The following KLF12 variants were observed in gnomAD, a reference collection of about 807,000 sequenced individuals.
KLF12 encodes the protein KLF transcription factor 12.
A neutral mutation model predicts 37.8 loss-of-function variants in KLF12; 9 were observed. That is an observed-to-expected ratio of 0.24 (90% CI 0.14 to 0.42). The LOEUF is 0.42. KLF12 is among the 10% of genes least tolerant of loss of function. The pLI is 1.00. For synonymous variants in KLF12, 208 were observed against 202.1 expected, an observed-to-expected ratio of 1.03 and a Z score of -0.25; for missense variants, 411 against 516.0, an observed-to-expected ratio of 0.80 and a Z score of 1.97.
intron 2 of KLF12, among the ~76,000 whole-genome samples, chr13:73,946,366 C>G (rs1399668052): frequency 6.6e-6 from 1 of 152,196 alleles, no homozygotes; most frequent in Non-Finnish European, 1.5e-5. Flanking sequence ...ATTTTCCCCA[C>G]TGGCTGTGAT....
chr13:74,260,024 A>G, the KLF12 span: 2 of 152,210 alleles, frequency 1.3e-5, no homozygotes, highest in African/African-American at 4.8e-5. Flanking sequence ...TAGTGAATTT[A>G]TAAATATATT....
intron 7 of KLF12, among the ~76,000 whole-genome samples, chr13:73,703,001 C>A (rs971694373): frequency 6.6e-6 from 1 of 152,082 alleles, no homozygotes; most frequent in African/African-American, 2.4e-5. Context: ...GCATACAATA[C>A]CACAGGTTTT....
intron 3 of KLF12, among the ~76,000 whole-genome samples, chr13:73,933,574 A>G (rs989936755): frequency 1.3e-5 from 2 of 152,174 alleles, no homozygotes; most frequent in Admixed American, 1.3e-4. Context: ...CTTTCATACG[A>G]AACTTCTTCC....
intron 5 of KLF12, among the ~76,000 whole-genome samples, chr13:73,773,004 GT>G (rs1361570467): frequency 2.0e-5 from 3 of 152,186 alleles, no homozygotes; most frequent in Non-Finnish European, 2.9e-5. Flanking sequence ...GACATCCAGG[GT>G]TCTGATGTGG....
chr13:74,143,596 G>T, the KLF12 span, among the ~76,000 whole-genome samples: 7 of 152,154 alleles, frequency 4.6e-5, no homozygotes, highest in African/African-American at 1.4e-4. Flanking sequence ...CTAATTTATT[G>T]CAAGTTGCAA....
At chr13:73,862,132 C>G (rs1306769870) in intron 3 of KLF12, among the ~76,000 whole-genome samples, 1 of 150,100 alleles carries the variant, frequency 6.7e-6, no homozygotes, top group Non-Finnish European at 1.5e-5. Flanking sequence ...CAGTTGTGAT[C>G]TCTAAATTCA....
At position 73,846,564 on chromosome 13, in the gene KLF12, A is replaced by C. The variant is rs1885035599; in HGVS notation, c.124-191T>G. 2.6e-5 allele frequency among the ~76,000 whole-genome samples: 4 copies of C among 152,214 alleles called. No individual in the cohort carries two copies. In the South Asian group the frequency reaches 8.3e-4, roughly 32 times the overall value. The stretch of plus-strand genomic sequence containing the variant: ...AACTGAGGGCATAAGAGTACAAAAC[A>C]GAATAAGGCCTCTACCATAAAGACA... On this transcript the variant is annotated intron_variant, in intron 3 of 7. Coordinates refer to ENST00000377669, the MANE Select transcript of KLF12 (RefSeq NM_007249.5).
At chr13:74,239,957 G>T in the KLF12 span, among the ~76,000 whole-genome samples, 16 of 150,782 alleles carry the variant, frequency 1.1e-4, no homozygotes, top group South Asian at 4.2e-4. Flanking sequence ...AAAGTTAATA[G>T]TGTTATGTGT....
chr13:74,064,891 C>T lies in KLF12; in HGVS notation c.-32+68848G>A, dbSNP rs75194199. ...CAGAATCAATGTTAGTTTTATTCAT[C>T]CTGCATTCTTCCCATCATACTACTC... On this transcript the variant is annotated intron_variant, in intron 1 of 7. Transcript: ENST00000377669. Among the ~76,000 whole-genome samples the T allele has an allele frequency of 5.3e-3, 807 of 152,248 alleles. 10 individuals carry two copies. The highest frequency in any genetic ancestry group is 0.018 in the African/African-American group (755 of 41,534).
intron 3 of KLF12, among the ~76,000 whole-genome samples, chr13:73,885,595 T>C (rs1041687771): frequency 6.6e-6 from 1 of 152,182 alleles, no homozygotes; most frequent in African/African-American, 2.4e-5. Flanking sequence ...CAAGTGGTCA[T>C]CTGAATCAAG....
At chr13:73,861,287 C>T (rs1487969327) in intron 3 of KLF12, among the ~76,000 whole-genome samples, 1 of 152,190 alleles carries the variant, frequency 6.6e-6, no homozygotes, top group Non-Finnish European at 1.5e-5. Flanking sequence ...CCCCTGCTAA[C>T]TCTGATCCTT....
the KLF12 span, among the ~76,000 whole-genome samples, chr13:74,176,550 G>A: frequency 6.6e-6 from 1 of 152,134 alleles, no homozygotes; most frequent in African/African-American, 2.4e-5. Context: ...CTTTGGCACT[G>A]AAACCTTCAG....
At chr13:73,950,595 CCA>C (rs1259099104) in intron 2 of KLF12, among the ~76,000 whole-genome samples, 1 of 152,106 alleles carries the variant, frequency 6.6e-6, no homozygotes, top group Non-Finnish European at 1.5e-5. Context: ...TCCATCTGCA[CCA>C]CAGTCATGAA....
chr13:73,863,385 C>G (rs945050325), intron 3 of KLF12, among the ~76,000 whole-genome samples: 1 of 152,070 alleles, frequency 6.6e-6, no homozygotes, highest in Non-Finnish European at 1.5e-5. Context: ...GCTCTTGTTC[C>G]GTGACCATAA....
At chr13:73,984,224 T>C (rs904504711) in intron 2 of KLF12, among the ~76,000 whole-genome samples, 1 of 152,204 alleles carries the variant, frequency 6.6e-6, no homozygotes, top group African/African-American at 2.4e-5. Context: ...CCCTGCAGCA[T>C]GCCATCATTT....
At chr13:73,833,043 C>G (rs1018356821) in intron 4 of KLF12, among the ~76,000 whole-genome samples, 4 of 152,154 alleles carry the variant, frequency 2.6e-5, no homozygotes, top group African/African-American at 9.7e-5. Flanking sequence ...TTTATGGCAT[C>G]ATGATGCTGA....
intron 7 of KLF12, among the ~76,000 whole-genome samples, chr13:73,710,095 T>C (rs1237188550): frequency 6.6e-6 from 1 of 152,166 alleles, no homozygotes; most frequent in African/African-American, 2.4e-5. Flanking sequence ...TTCTGTCCTG[T>C]ATTTCCAGCC....
chr13:74,275,391 T>C, the KLF12 span, among the ~76,000 whole-genome samples: 1 of 152,228 alleles, frequency 6.6e-6, no homozygotes, highest in Admixed American at 6.6e-5. Flanking sequence ...AGAACAATTC[T>C]ATATTCCGTT....
At chr13:73,908,401 C>CAAG (rs1888407784) in intron 3 of KLF12, among the ~76,000 whole-genome samples, 1 of 129,336 alleles carries the variant, frequency 7.7e-6, no homozygotes. Flanking sequence ...GACTCTGTCT[C>CAAG]AAAAAAAAAA....
Sources: allele counts gnomAD v4.1 joint callset (sites outside exome capture counted in the v4.1 genomes callset), GRCh38; gene constraint gnomAD v4.1.1; transcripts MANE v1.5; gene names NCBI Gene and HGNC (gene_info 2026-07-23, HGNC 2026-07-21).